The following ITPR2 variants were observed in gnomAD, a reference collection of about 807,000 sequenced individuals.
ITPR2 encodes the protein inositol 1,4,5-trisphosphate receptor type 2, also known as inositol 1,4,5-trisphosphate-gated calcium channel ITPR2.
ITPR2 carries 207 observed loss-of-function variants against 317.1 expected under a neutral mutation model. The observed-to-expected ratio is 0.65, with a 90% CI of 0.58 to 0.73. The LOEUF is 0.73. Ranked by LOEUF, ITPR2 falls within the 30% of genes least tolerant of loss-of-function variation. The pLI is 0.00. For missense variants in ITPR2, 2,613 were observed against 3,284.0 expected (o/e 0.80, Z 4.99); for synonymous variants, 1,156 against 1,149.1 (o/e 1.01, Z -0.12).
At chr12:26,550,175 T>C (rs900997017) in intron 37 of ITPR2, 72 bp downstream of exon 37, 2 of 629,248 alleles carry the variant, frequency 3.2e-6, no homozygotes, top group African/African-American at 1.9e-5. Context: ...AATAGCCTAT[T>C]GTAATTCATA....
chr12:26,753,394 G>A (rs767885904), intron 2 of ITPR2, among the ~76,000 whole-genome samples: 16 of 152,178 alleles, frequency 1.1e-4, no homozygotes, highest in Non-Finnish European at 1.6e-4. Context: ...GTACAGGATC[G>A]TGGGACATGG....
At chr12:26,826,211 A>T (rs530557865) in intron 1 of ITPR2, among the ~76,000 whole-genome samples, 3 of 151,818 alleles carry the variant, frequency 2.0e-5, no homozygotes, top group African/African-American at 7.2e-5. Context: ...GGTTGCAGTG[A>T]GCTGTGGTCA....
intron 5 of ITPR2, among the ~76,000 whole-genome samples, chr12:26,720,336 A>G (rs1948814151): frequency 6.6e-6 from 1 of 152,188 alleles, no homozygotes; most frequent in Admixed American, 6.5e-5. Context: ...ATAGTAAAAT[A>G]TCATTTTAAA....
chr12:26,832,534 G>C (rs910008611), intron 1 of ITPR2, among the ~76,000 whole-genome samples, 156 bp downstream of exon 1: 4 of 152,226 alleles, frequency 2.6e-5, no homozygotes, highest in African/African-American at 7.2e-5. Context: ...GCGGGCGAGC[G>C]AGAGAGCGGA....
Position 26,497,900 on chromosome 12 carries a change from G to T in ITPR2, c.5074-2640C>A, listed in dbSNP as rs375221288. 1.1e-4 allele frequency among the ~76,000 whole-genome samples: 17 copies of T among 151,726 alleles called. No homozygotes were observed. The East Asian group carries it at 2.7e-3, about 24-fold the overall frequency. ...TAATTTTTTTTGTTTGTTTTGTTTT[G>T]TTTTTTGTATTTTTAGTACAGACTG... On this transcript the variant is annotated intron_variant, in intron 37 of 56. Coordinates refer to ENST00000381340, the MANE Select transcript of ITPR2 (RefSeq NM_002223.4).
intron 55 of ITPR2, among the ~76,000 whole-genome samples, chr12:26,356,845 C>T (rs1016239112): frequency 3.9e-5 from 6 of 152,126 alleles, no homozygotes; most frequent in Non-Finnish European, 7.4e-5. Flanking sequence ...CTGTGCCCAG[C>T]TCATTTTATA....
intron 2 of ITPR2, among the ~76,000 whole-genome samples, chr12:26,789,844 A>C (rs1011737074): frequency 5.9e-5 from 9 of 152,246 alleles, no homozygotes; most frequent in Admixed American, 2.6e-4. Context: ...TAACTGTCAG[A>C]GAAGTATATA....
At chr12:26,769,289 T>C (rs762185665) in intron 2 of ITPR2, among the ~76,000 whole-genome samples, 1 of 152,176 alleles carries the variant, frequency 6.6e-6, no homozygotes, top group African/African-American at 2.4e-5. Context: ...CAAGCATTTG[T>C]AAAACAAACA....
At chr12:26,454,100 T>A (rs1415747996) in intron 45 of ITPR2, among the ~76,000 whole-genome samples, 1 of 152,204 alleles carries the variant, frequency 6.6e-6, no homozygotes, top group Non-Finnish European at 1.5e-5. Flanking sequence ...AGTTCAATTT[T>A]AATGGCATAT....
At chr12:26,587,199 G>A (rs1483458540) in intron 32 of ITPR2, among the ~76,000 whole-genome samples, 3 of 150,412 alleles carry the variant, frequency 2.0e-5, no homozygotes, top group Non-Finnish European at 4.5e-5. Flanking sequence ...TTATGTGTGA[G>A]ACATTGTTCT....
At chr12:26,614,311 G>A (rs1289329917) in intron 26 of ITPR2, among the ~76,000 whole-genome samples, 1 of 151,770 alleles carries the variant, frequency 6.6e-6, no homozygotes, top group East Asian at 1.9e-4. Context: ...AAGACTAAGG[G>A]AACTCTGAGC....
chr12:26,762,776 A>G (rs1949660206), intron 2 of ITPR2, among the ~76,000 whole-genome samples: 1 of 152,168 alleles, frequency 6.6e-6, no homozygotes, highest in Non-Finnish European at 1.5e-5. Context: ...GTTAATGGAT[A>G]TACAATATAT....
At chr12:26,488,367 G>A (rs1374166081) in intron 39 of ITPR2, among the ~76,000 whole-genome samples, 2 of 152,046 alleles carry the variant, frequency 1.3e-5, no homozygotes, top group Non-Finnish European at 1.5e-5. Context: ...GGGGGAGTTT[G>A]CCCCAGGATA....
At position 26,338,538 on chromosome 12, in the gene ITPR2, A is replaced by C. The variant is rs1015446647; in HGVS notation, c.*859T>G. On this transcript the variant is annotated 3_prime_UTR_variant, in exon 57 of 57. Coordinates refer to ENST00000381340, the MANE Select transcript of ITPR2 (RefSeq NM_002223.4). ...CATAAGTTTCTCAATAATTCCTATC[A>C]CTTTTAAGCATTTTCATGTATTAAT... is the stretch of plus-strand genomic sequence containing the variant. 2.0e-5 allele frequency: 3 copies of C among 152,504 alleles called. No individual in the cohort carries two copies. The highest frequency in any genetic ancestry group is 4.4e-5 in the Non-Finnish European group (3 of 68,036). The allele number at this position is 152,504 out of a possible 1,614,324, so 9.4% of individuals were successfully genotyped here.
rs547820550 is a variant in ITPR2 at position 26,619,406 on chromosome 12, A to G, written c.3462+1717T>C. 1.7e-3 allele frequency among the ~76,000 whole-genome samples: 253 copies of G among 152,286 alleles called. 2 individuals carry two copies. Among genetic ancestry groups the G allele is most frequent in the African/African-American group, 5.8e-3 (241 of 41,560 alleles). ...TTGTTCGGCCATCTATCGTTCTCCC[A>G]GGTAATTCAGGGTGGTGTATCCTAG... is the stretch of plus-strand genomic sequence containing the variant. On this transcript the variant is annotated intron_variant, in intron 26 of 56. Transcript: ENST00000381340.
At chr12:26,612,765 A>G (rs1946298118) in intron 26 of ITPR2, among the ~76,000 whole-genome samples, 1 of 152,210 alleles carries the variant, frequency 6.6e-6, no homozygotes, top group African/African-American at 2.4e-5. Context: ...ATTCTGTCAG[A>G]CTAAATTTTC....
chr12:26,538,871 G>A (rs771311581), intron 37 of ITPR2, among the ~76,000 whole-genome samples: 5 of 152,032 alleles, frequency 3.3e-5, no homozygotes, highest in Non-Finnish European at 7.4e-5. Flanking sequence ...CACTGCGCCC[G>A]GACAGCCTGT....
chr12:26,668,766 T>C (rs1197695628), intron 13 of ITPR2, among the ~76,000 whole-genome samples: 1 of 151,838 alleles, frequency 6.6e-6, no homozygotes, highest in African/African-American at 2.4e-5. Flanking sequence ...AGACAACGTA[T>C]TTTAAAAAGG....
At chr12:26,711,936 T>C (rs1948649622) in intron 8 of ITPR2, among the ~76,000 whole-genome samples, 1 of 152,188 alleles carries the variant, frequency 6.6e-6, no homozygotes, top group Non-Finnish European at 1.5e-5. Context: ...GCATGCTTTT[T>C]ATTGACAGCA....
Sources: allele counts gnomAD v4.1 joint callset (sites outside exome capture counted in the v4.1 genomes callset), GRCh38; gene constraint gnomAD v4.1.1; transcripts MANE v1.5; gene names NCBI Gene and HGNC (gene_info 2026-07-23, HGNC 2026-07-21).